The following CTNNA3 variants were observed in gnomAD, a reference collection of about 807,000 sequenced individuals.
CTNNA3 encodes the protein catenin alpha-3.
In CTNNA3, 76 loss-of-function variants were observed where a neutral mutation model predicts 95.7. The ratio of observed to expected loss-of-function variants is 0.79; its 90% CI spans 0.66 to 0.96. The LOEUF (loss-of-function observed/expected upper bound fraction) is 0.96. Ranked by LOEUF, CTNNA3 falls within the 40% of genes least tolerant of loss-of-function variation. CTNNA3 has a pLI of 0.00. For synonymous variants in CTNNA3, 431 were observed against 374.4 expected, an observed-to-expected ratio of 1.15 and a Z score of -1.74; for missense variants, 1,191 against 1,089.8, an observed-to-expected ratio of 1.09 and a Z score of -1.31.
chr10:66,288,939 T>G (rs920326933), intron 12 of CTNNA3, among the ~76,000 whole-genome samples: 2 of 152,090 alleles, frequency 1.3e-5, no homozygotes, highest in African/African-American at 4.8e-5. Context: ...TGTATCTTCC[T>G]TGGTATAAAT....
At chr10:66,464,760 C>CA (rs1162141756) in intron 11 of CTNNA3, among the ~76,000 whole-genome samples, 39 of 135,754 alleles carry the variant, frequency 2.9e-4, no homozygotes, top group African/African-American at 1.1e-3. Context: ...GAGACTGTCT[C>CA]AAAAAATAAA....
intron 7 of CTNNA3, among the ~76,000 whole-genome samples, chr10:67,117,103 G>A (rs1859225874): frequency 6.6e-6 from 1 of 151,890 alleles, no homozygotes; most frequent in Non-Finnish European, 1.5e-5. Context: ...ACCTAAGCCA[G>A]GCTGCCATGA....
At position 66,629,320 on chromosome 10, in the gene CTNNA3, C is replaced by T. The variant is rs772594531; in HGVS notation, c.1282-7536G>A. ...TGACTCAAGGCAGAGAGCTACAGGT[C>T]GCCTGGATAATACTCACTCTCTCAT... On this transcript the variant is annotated intron_variant, in intron 9 of 17. Coordinates refer to ENST00000433211, the MANE Select transcript of CTNNA3 (RefSeq NM_013266.4). Among the ~76,000 whole-genome samples, 363 of 152,082 alleles carry T rather than the reference C, an allele frequency of 2.4e-3. 1 individual carries two copies. The highest frequency in any genetic ancestry group is 3.8e-3 in the Non-Finnish European group (255 of 67,980).
chr10:67,391,637 C>T (rs537720256), intron 5 of CTNNA3, among the ~76,000 whole-genome samples: 2,072 of 150,864 alleles, frequency 0.014, 34 homozygotes, highest in African/African-American at 0.043. Context: ...AGGCATCACA[C>T]TACCTGACTT....
At chr10:67,245,094 C>T (rs1865858304) in intron 5 of CTNNA3, among the ~76,000 whole-genome samples, 1 of 152,132 alleles carries the variant, frequency 6.6e-6, no homozygotes, top group African/African-American at 2.4e-5. Flanking sequence ...TGTGACCCCA[C>T]TCCCAGTACT....
intron 2 of CTNNA3, among the ~76,000 whole-genome samples, chr10:67,610,867 C>G (rs952725450): frequency 7.9e-5 from 12 of 152,334 alleles, no homozygotes; most frequent in African/African-American, 2.9e-4. Context: ...CCATTCCCCT[C>G]TTTCTCAGAC....
At chr10:67,468,895 T>C (rs1847705212) in intron 5 of CTNNA3, among the ~76,000 whole-genome samples, 2 of 152,184 alleles carry the variant, frequency 1.3e-5, no homozygotes, top group Non-Finnish European at 2.9e-5. Context: ...CAACAGCAAA[T>C]GACAGCTTAC....
chr10:67,405,207 C>T (rs1009240286), intron 5 of CTNNA3, among the ~76,000 whole-genome samples: 7 of 151,914 alleles, frequency 4.6e-5, no homozygotes, highest in Non-Finnish European at 7.4e-5. Context: ...CCATACATAA[C>T]AGTATTAACC....
chr10:67,289,749 AGGATGGATGAATGGAT>A (rs1365345296), intron 5 of CTNNA3, among the ~76,000 whole-genome samples: 6 of 135,694 alleles, frequency 4.4e-5, no homozygotes, highest in African/African-American at 1.5e-4. Flanking sequence ...CAACAAAGGA[AGGATGGATGAATGGAT>A]GGATGGATGG....
chr10:66,551,141 C>T (rs913967368), intron 10 of CTNNA3, among the ~76,000 whole-genome samples: 1 of 152,064 alleles, frequency 6.6e-6, no homozygotes, highest in African/African-American at 2.4e-5. Flanking sequence ...TTCCTTTAGC[C>T]TTTTGTTAGC....
chr10:66,793,059 T>A (rs1354880097), intron 7 of CTNNA3, among the ~76,000 whole-genome samples: 1 of 152,142 alleles, frequency 6.6e-6, no homozygotes, highest in Non-Finnish European at 1.5e-5. Context: ...GCTATGAGAA[T>A]TAGGTTTGTA....
chr10:66,145,128 C>CA (rs2083815550), intron 13 of CTNNA3, among the ~76,000 whole-genome samples: 1 of 152,110 alleles, frequency 6.6e-6, no homozygotes, highest in African/African-American at 2.4e-5. Context: ...GGAGACCCTA[C>CA]AAACTACTAA....
At chr10:66,876,273 T>C (rs1007487516) in intron 7 of CTNNA3, among the ~76,000 whole-genome samples, 2 of 152,198 alleles carry the variant, frequency 1.3e-5, no homozygotes, top group East Asian at 1.9e-4. Flanking sequence ...AAACTGAGCA[T>C]ATATTAGGAT....
intron 5 of CTNNA3, among the ~76,000 whole-genome samples, chr10:67,388,622 G>C (rs1844304210): frequency 6.7e-6 from 1 of 149,030 alleles, no homozygotes; most frequent in African/African-American, 2.5e-5. Context: ...ATTCACCAAA[G>C]TTGAAATGAA....
intron 5 of CTNNA3, among the ~76,000 whole-genome samples, chr10:67,511,502 G>C (rs918126297): frequency 5.9e-5 from 9 of 152,184 alleles, no homozygotes; most frequent in Non-Finnish European, 1.2e-4. Flanking sequence ...TATGTTTATT[G>C]ATTTGCATAT....
chr10:67,392,238 G>T (rs544906917), intron 5 of CTNNA3, among the ~76,000 whole-genome samples: 37 of 152,240 alleles, frequency 2.4e-4, no homozygotes, highest in African/African-American at 8.7e-4. Context: ...ATCAAAAAGT[G>T]GGCAAAGGAC....
At chr10:67,393,265 T>A (rs879013037) in intron 5 of CTNNA3, among the ~76,000 whole-genome samples, 2 of 152,140 alleles carry the variant, frequency 1.3e-5, no homozygotes, top group Admixed American at 1.3e-4. Flanking sequence ...ACCATCATTG[T>A]TGACCAAGGA....
intron 3 of CTNNA3, among the ~76,000 whole-genome samples, chr10:67,596,757 T>C (rs946001131): frequency 5.9e-5 from 9 of 152,236 alleles, no homozygotes; most frequent in African/African-American, 2.2e-4. Context: ...GGGATAGTCA[T>C]CTTGTATAGT....
chr10:67,687,119 C>G (rs535102094), intron 1 of CTNNA3, among the ~76,000 whole-genome samples: 2 of 152,288 alleles, frequency 1.3e-5, no homozygotes, highest in South Asian at 4.1e-4. Context: ...ACCTTGAGGA[C>G]AGCTGTCCAG....
Sources: gnomAD v4.1 joint callset for allele counts (sites outside exome capture counted in the v4.1 genomes callset) on GRCh38, gnomAD v4.1.1 for gene constraint, MANE v1.5 for transcripts, NCBI Gene and HGNC (gene_info 2026-07-23, HGNC 2026-07-21) for gene names.